The following SLC25A36 variants were observed in gnomAD, a reference collection of about 807,000 sequenced individuals.
The protein encoded by SLC25A36 is epididymis secretory sperm binding protein.
SLC25A36 carries 24 observed loss-of-function variants against 35.3 expected under a neutral mutation model. The ratio of observed to expected loss-of-function variants is 0.68; its 90% CI spans 0.49 to 0.96. The LOEUF (loss-of-function observed/expected upper bound fraction) is 0.96, where lower values mean the gene tolerates loss of function less well. Ranked by LOEUF, SLC25A36 falls within the 40% of genes least tolerant of loss-of-function variation. The pLI is 0.00. For synonymous variants in SLC25A36, 141 were observed against 132.2 expected, an observed-to-expected ratio of 1.07 and a Z score of -0.46; for missense variants, 294 against 381.1, an observed-to-expected ratio of 0.77 and a Z score of 1.90.
chr3:140,958,960 T>TTTTG (rs1934553847), intron 2 of SLC25A36, among the ~76,000 whole-genome samples: 1 of 112,590 alleles, frequency 8.9e-6, no homozygotes, highest in Non-Finnish European at 1.7e-5. Flanking sequence ...AAACAATGTT[T>TTTTG]TGTGTGTGTG....
At chr3:140,946,634 T>C (rs1325866114) in intron 1 of SLC25A36, among the ~76,000 whole-genome samples, 2 of 152,172 alleles carry the variant, frequency 1.3e-5, no homozygotes, top group African/African-American at 2.4e-5. Flanking sequence ...TTTGACATAT[T>C]GAATGCAGAG....
In SLC25A36 at chr3:140,979,421, A is replaced by G. The variant is rs1935133120; in HGVS notation, c.*2968A>G. 1 of 152,174 alleles carries G rather than the reference A, an allele frequency of 6.6e-6. No individual in the cohort carries two copies. Among genetic ancestry groups the G allele is most frequent in the Admixed American group, 6.5e-5 (1 of 15,278 alleles). The allele number at this position is 152,174 out of a possible 1,614,324, so 9.4% of individuals were successfully genotyped here. A position where few individuals can be genotyped will look rare whatever the true frequency, so the allele number is the denominator to read the frequency against. ...TCCATGCCTGCCTTTTGTTGTTTAC[A>G]TGCTCTTCTGCCCAGACTGTTAGTA... On this transcript the variant is annotated 3_prime_UTR_variant, in exon 7 of 7. Transcript: ENST00000324194.
chr3:140,949,374 A>C (rs1291563134), intron 1 of SLC25A36, among the ~76,000 whole-genome samples: 1 of 152,248 alleles, frequency 6.6e-6, no homozygotes. Flanking sequence ...TGATAAACTT[A>C]CTGTACAATT....
At chr3:140,971,141 A>G in intron 5 of SLC25A36, 148 bp downstream of exon 5, 1 of 539,566 alleles carries the variant, frequency 1.9e-6, no homozygotes, top group Non-Finnish European at 3.4e-6. Context: ...AAGATAATGT[A>G]AGAGTTGACA....
intron 2 of SLC25A36, among the ~76,000 whole-genome samples, chr3:140,957,957 C>A (rs951303917): frequency 6.6e-6 from 1 of 152,030 alleles, no homozygotes; most frequent in African/African-American, 2.4e-5. Flanking sequence ...TGTTTTAGTT[C>A]CGAAGTTTTT....
chr3:140,944,221 G>A (rs1193014165), intron 1 of SLC25A36, among the ~76,000 whole-genome samples: 2 of 152,204 alleles, frequency 1.3e-5, no homozygotes, highest in African/African-American at 4.8e-5. Flanking sequence ...GAGCCTTTAA[G>A]TTGTTTTTCT....
chr3:140,967,870 A>C, intron 4 of SLC25A36: 33 of 447,106 alleles, frequency 7.4e-5, no homozygotes, highest in East Asian at 1.6e-4. Context: ...TTACAAATGG[A>C]TCCCTCATGT....
chr3:140,973,747 G>T lies in SLC25A36; in HGVS notation c.484G>T (p.Glu162Ter). The T allele has an allele frequency of 6.5e-7, 1 of 1,546,364 alleles. No individual in the cohort carries two copies. ...CGGGGAAAGGCGAATGGGTGCTTTT[G>T]AATGTGTTCGTAAAGTGTATCAGAC... The part of the protein sequence containing the change: ...NRGERRMGAF[E>*]CVRKVYQTDG... Residue 162 changes from glutamate to a stop codon, truncating the protein, a stop_gained, in exon 6 of 7, where the codon GAA (glutamate) becomes TAA (stop). Transcript: ENST00000324194. LOFTEE classifies it high-confidence loss of function.
chr3:140,950,364 T>C (rs758221493), intron 1 of SLC25A36, among the ~76,000 whole-genome samples: 2 of 151,984 alleles, frequency 1.3e-5, no homozygotes, highest in Non-Finnish European at 2.9e-5. Flanking sequence ...TGTGTTCATC[T>C]GTCAGTCTTT....
chr3:140,970,100 C>T (rs1233985930), intron 4 of SLC25A36, among the ~76,000 whole-genome samples: 1 of 151,906 alleles, frequency 6.6e-6, no homozygotes, highest in East Asian at 1.9e-4. Flanking sequence ...TATGCACTAT[C>T]CTAGAAACAT....
At chr3:140,956,276 C>T (rs1439825503) in intron 1 of SLC25A36, among the ~76,000 whole-genome samples, 1 of 152,166 alleles carries the variant, frequency 6.6e-6, no homozygotes, top group Non-Finnish European at 1.5e-5. Context: ...CAGCACCTAT[C>T]AGTTGAAGTG....
At chr3:140,971,970 T>C (rs995325983) in intron 5 of SLC25A36, among the ~76,000 whole-genome samples, 5 of 152,254 alleles carry the variant, frequency 3.3e-5, no homozygotes, top group African/African-American at 1.2e-4. Context: ...TCTTCTGTTA[T>C]GTTGAACTAT....
intron 4 of SLC25A36, chr3:140,968,594 A>C: frequency 1.1e-6 from 1 of 931,634 alleles, no homozygotes; most frequent in Non-Finnish European, 1.3e-6. Context: ...ATTATAATTT[A>C]TGGGTCTTTA....
In SLC25A36 at chr3:140,977,903, G is replaced by A. The variant is rs1246482339; in HGVS notation, c.*1450G>A. The A allele has an allele frequency of 6.6e-6, 1 of 151,068 alleles. No homozygotes were observed. 9.4% of individuals were successfully genotyped at this position (151,068 alleles called of 1,614,324 possible). On this transcript the variant is annotated 3_prime_UTR_variant, in exon 7 of 7. Coordinates refer to ENST00000324194, the MANE Select transcript of SLC25A36 (RefSeq NM_001104647.3). ...GCCTTTTTTGGGGGGGAGGGTGAGA[G>A]AGTAGGAGAGAATACCATGTTAAGA... is the stretch of plus-strand genomic sequence containing the variant.
intron 4 of SLC25A36, among the ~76,000 whole-genome samples, chr3:140,967,662 A>G (rs1211730224): frequency 6.6e-6 from 1 of 152,002 alleles, no homozygotes; most frequent in African/African-American, 2.4e-5. Context: ...AAGTTTAAGC[A>G]GAATTTTTCT....
At chr3:140,951,641 G>A (rs1037705115) in intron 1 of SLC25A36, among the ~76,000 whole-genome samples, 1 of 151,790 alleles carries the variant, frequency 6.6e-6, no homozygotes, top group Admixed American at 6.6e-5. Context: ...GCACCACCAC[G>A]CCTGGCTAAT....
chr3:140,975,059 A>G lies in SLC25A36; in HGVS notation c.742+1054A>G, dbSNP rs75781142. 9.0e-4 allele frequency among the ~76,000 whole-genome samples: 126 copies of G among 139,276 alleles called. 1 individual carries two copies. Among genetic ancestry groups the G allele is most frequent in the African/African-American group, 3.2e-3 (122 of 38,222 alleles). The allele number at this position is 139,276 out of a possible 152,430, so 91.4% of individuals were successfully genotyped here. Reference sequence around the variant, plus strand: ...TTTTCCCTTGAAGTGAGATGATGTCATTACAGGAAGAGGTACAGTTGATAA... The same window carrying G: ...TTTTCCCTTGAAGTGAGATGATGTCGTTACAGGAAGAGGTACAGTTGATAA... On this transcript the variant is annotated intron_variant, in intron 6 of 6. Transcript: ENST00000324194.
At chr3:140,961,594 A>G (rs1292933606) in intron 3 of SLC25A36, among the ~76,000 whole-genome samples, 1 of 151,998 alleles carries the variant, frequency 6.6e-6, no homozygotes, top group African/African-American at 2.4e-5. Flanking sequence ...AGTGGCTCAC[A>G]CCTGTAATCC....
chr3:140,942,444 A>T (rs1934037073), intron 1 of SLC25A36: 1 of 198,542 alleles, frequency 5.0e-6, no homozygotes, highest in South Asian at 1.7e-4. Flanking sequence ...GACGCGGGCA[A>T]GAGCTGGGGT....
Sources: allele counts gnomAD v4.1 joint callset (sites outside exome capture counted in the v4.1 genomes callset), GRCh38; gene constraint gnomAD v4.1.1; transcripts MANE v1.5; gene names NCBI Gene and HGNC (gene_info 2026-07-23, HGNC 2026-07-21).